SYT3: variants seen among roughly 807,000 people sequenced by gnomAD.
SYT3 encodes synaptotagmin 3.
SYT3 carries 25 observed loss-of-function variants against 50.6 expected under a neutral mutation model. The ratio of observed to expected loss-of-function variants is 0.49; its 90% CI spans 0.36 to 0.69. SYT3 has a LOEUF of 0.69. SYT3 is among the 30% of genes least tolerant of loss of function. The pLI is 0.00. For missense variants in SYT3, 589 were observed against 793.6 expected (o/e 0.74, Z 3.10); for synonymous variants, 323 against 353.9 (o/e 0.91, Z 0.98).
chr19:50,653,537 G>A, the SYT3 span, among the ~76,000 whole-genome samples: 6 of 152,122 alleles, frequency 3.9e-5, no homozygotes, highest in Non-Finnish European at 5.9e-5. Flanking sequence ...AATCCAGTAG[G>A]TCTGGGGGTG....
At chr19:50,657,600 G>A in the SYT3 span, among the ~76,000 whole-genome samples, 1 of 152,226 alleles carries the variant, frequency 6.6e-6, no homozygotes, top group African/African-American at 2.4e-5. Flanking sequence ...GGAAAGGTGT[G>A]TAACTTAAAT....
At position 50,629,292 on chromosome 19, in the gene SYT3, A is replaced by C. The variant is rs1599815550; in HGVS notation, c.1281+2T>G. On this transcript the variant is annotated splice_donor_variant, in intron 6 of 10. Coordinates refer to ENST00000600079, the MANE Select transcript of SYT3 (RefSeq NM_001160329.2). LOFTEE classifies it high-confidence loss of function. ...GGAAGGTCAGGGGAGAGGGCCACTG[A>C]CCGAGCCGCCCTCCACGATGTCCCT... 6.3e-7 allele frequency: 1 copy of C among 1,590,916 alleles called. No individual in the cohort carries two copies. The highest frequency in any genetic ancestry group is 8.6e-7 in the Non-Finnish European group (1 of 1,165,274).
At chr19:50,651,393 G>C in the SYT3 span, among the ~76,000 whole-genome samples, 4 of 152,094 alleles carry the variant, frequency 2.6e-5, no homozygotes, top group Admixed American at 6.5e-5. Context: ...ACCTCCTCTA[G>C]AGAGCCTTCC....
chr19:50,641,763 T>C (rs1246138914), upstream of SYT3, among the ~76,000 whole-genome samples: 1 of 151,872 alleles, frequency 6.6e-6, no homozygotes, highest in Non-Finnish European at 1.5e-5. Flanking sequence ...GAAGGATCAC[T>C]TGAACCCAGA....
Position 50,625,304 on chromosome 19 carries a change from G to A in SYT3, c.1575-10C>T. On this transcript the variant is annotated splice_polypyrimidine_tract_variant and intron_variant, in intron 8 of 10. Coordinates refer to ENST00000600079, the MANE Select transcript of SYT3 (RefSeq NM_001160329.2). This position sits in a 1 kb window ranked among gnomAD's most constrained non-coding sequence, Gnocchi z 7.5. ...CTCGTTGTGCCCGATGCTGGGGGTT[G>A]GGGTCAGTGAGGACCGTGGAGGGTG... 6.5e-7 allele frequency: 1 copy of A among 1,533,164 alleles called. No individual in the cohort carries two copies. Among genetic ancestry groups the A allele is most frequent in the Non-Finnish European group, 8.8e-7 (1 of 1,141,562 alleles). 95.0% of individuals were successfully genotyped at this position (1,533,164 alleles called of 1,614,324 possible).
the SYT3 span, chr19:50,649,939 C>T: frequency 4.4e-5 from 19 of 434,582 alleles, no homozygotes; most frequent in African/African-American, 3.2e-4. Flanking sequence ...CAATTCCCTC[C>T]CACAGCCCAT....
At position 50,625,502 on chromosome 19, in the gene SYT3, T is replaced by C. The variant is rs762856222; in HGVS notation, c.1465A>G (p.Ile489Val). ...GRRLKKRKTS[I>V]KKNTLNPTYN... ...GTGGGGTTCAGCGTGTTCTTCTTGA[T>C]GGAGGTTTTCCGCTTCTTCAGACGC... is the stretch of plus-strand genomic sequence containing the variant. Residue 489 changes from isoleucine to valine, a missense_variant, in exon 8 of 11, where the codon ATC becomes GTC. Transcript: ENST00000600079. This position sits in a 1 kb window ranked among gnomAD's most constrained non-coding sequence, Gnocchi z 7.5. The C allele has an allele frequency of 6.2e-7, 1 of 1,610,654 alleles. No individual in the cohort carries two copies. Among genetic ancestry groups the C allele is most frequent in the Admixed American group, 1.7e-5 (1 of 59,132 alleles).
chr19:50,629,255 G>C (rs751899159), intron 6 of SYT3, 39 bp downstream of exon 6: 1 of 1,531,636 alleles, frequency 6.5e-7, no homozygotes, highest in Non-Finnish European at 8.8e-7. Context: ...GGGTCTCAGG[G>C]CCCTGGGAAG....
chr19:50,625,758 CCCTCCTCCCT>C lies in SYT3; in HGVS notation c.1402+129_1402+138del. The C allele has an allele frequency of 1.5e-5, 13 of 867,170 alleles. 1 individual carries two copies. The highest frequency in any genetic ancestry group is 5.8e-5 in the Admixed American group (2 of 34,582). 53.7% of individuals were successfully genotyped at this position (867,170 alleles called of 1,614,324 possible). On this transcript the variant is annotated intron_variant, in intron 7 of 10. Transcript: ENST00000600079. The surrounding 1 kb of genome is among the most constrained non-coding windows in gnomAD (Gnocchi z 7.5). ...CGACCCAGGAGTCCAGGCCCCTGGC[CCCTCCTCCCT>C]CAGACCCAGGAGTCCAGATCCCCAG...
chr19:50,656,307 A>G, the SYT3 span: 1 of 1,536,146 alleles, frequency 6.5e-7, no homozygotes. Flanking sequence ...TCCCCACACC[A>G]CCAGCTTCCC....
chr19:50,648,525 G>C, the SYT3 span, among the ~76,000 whole-genome samples: 1 of 151,784 alleles, frequency 6.6e-6, no homozygotes, highest in Non-Finnish European at 1.5e-5. Flanking sequence ...CCCAGAGAAA[G>C]GGATGCTGAA....
Position 50,637,199 on chromosome 19 carries a change from TCTG to T in SYT3, c.148+62_148+64del. ...CACAAGCAATGGAAAGCTGAGCAGT[TCTG>T]CTCCGAGTCTCCTGGCCATAGTGCA... On this transcript the variant is annotated intron_variant, in intron 3 of 10. Coordinates refer to ENST00000600079, the MANE Select transcript of SYT3 (RefSeq NM_001160329.2). The surrounding 1 kb of genome is among the most constrained non-coding windows in gnomAD (Gnocchi z 4.9). 1 of 1,578,326 alleles carries T rather than the reference TCTG, an allele frequency of 6.3e-7. No homozygotes were observed.
intron 9 of SYT3, 188 bp downstream of exon 9, chr19:50,624,974 G>A (rs1983988872): frequency 2.1e-6 from 1 of 465,504 alleles, no homozygotes; most frequent in African/African-American, 2.0e-5. Context: ...TTTCCTAGTG[G>A]GTAAATTGAG....
At chr19:50,657,380 G>A in the SYT3 span, among the ~76,000 whole-genome samples, 2 of 152,116 alleles carry the variant, frequency 1.3e-5, no homozygotes, top group Admixed American at 6.5e-5. Context: ...CAGTGAAATC[G>A]TGAAAATTTT....
At chr19:50,647,457 G>A in the SYT3 span, among the ~76,000 whole-genome samples, 1 of 152,036 alleles carries the variant, frequency 6.6e-6, no homozygotes, top group Non-Finnish European at 1.5e-5. Flanking sequence ...AGGCTGAGGT[G>A]GGAGGATTGC....
At chr19:50,628,825 C>CTTT (rs11418879) in intron 6 of SYT3, among the ~76,000 whole-genome samples, 2 of 136,222 alleles carry the variant, frequency 1.5e-5, no homozygotes, top group African/African-American at 2.7e-5. Context: ...ATTATCTGTT[C>CTTT]TTTTTTTTTT....
chr19:50,654,190 C>T, the SYT3 span, among the ~76,000 whole-genome samples: 1 of 152,018 alleles, frequency 6.6e-6, no homozygotes, highest in African/African-American at 2.4e-5. Flanking sequence ...ACAAAGACAC[C>T]CCAAAACACA....
At chr19:50,649,039 G>A in the SYT3 span, among the ~76,000 whole-genome samples, 1 of 151,150 alleles carries the variant, frequency 6.6e-6, no homozygotes. Flanking sequence ...CTGAAGAGAT[G>A]GAGCCCAGGA....
intron 3 of SYT3, among the ~76,000 whole-genome samples, chr19:50,635,106 T>C (rs561341933): frequency 1.3e-5 from 2 of 152,134 alleles, no homozygotes; most frequent in South Asian, 2.1e-4. Flanking sequence ...TTAGTAGAGA[T>C]AGGGTTTTAC....
Sources: allele counts gnomAD v4.1 joint callset (sites outside exome capture counted in the v4.1 genomes callset), GRCh38; gene constraint gnomAD v4.1.1; non-coding constraint Gnocchi (gnomAD v3.1); transcripts MANE v1.5; gene names NCBI Gene and HGNC (gene_info 2026-07-23, HGNC 2026-07-21).